The following TPD52 variants were observed in gnomAD, a reference collection of about 807,000 sequenced individuals.
The protein encoded by TPD52 is tumor protein D52.
TPD52 carries 17 observed loss-of-function variants against 31.3 expected under a neutral mutation model. The observed-to-expected ratio is 0.54, with a 90% CI of 0.37 to 0.82. The LOEUF is 0.82. Among genes scored for constraint, TPD52 ranks in the 40% least tolerant of loss-of-function variants. The pLI is 0.00. For synonymous variants in TPD52, 83 were observed against 89.6 expected, an observed-to-expected ratio of 0.93 and a Z score of 0.42; for missense variants, 212 against 240.1, an observed-to-expected ratio of 0.88 and a Z score of 0.77.
intron 2 of TPD52, among the ~76,000 whole-genome samples, chr8:80,057,502 A>G (rs1332260190): frequency 6.6e-6 from 1 of 152,212 alleles, no homozygotes; most frequent in Non-Finnish European, 1.5e-5. Context: ...AAAGTACAAA[A>G]TCATGTCCTT....
At chr8:80,132,665 G>A (rs1161741768) in intron 1 of TPD52, among the ~76,000 whole-genome samples, 3 of 152,210 alleles carry the variant, frequency 2.0e-5, no homozygotes, top group Non-Finnish European at 4.4e-5. Flanking sequence ...CCAGAGAATA[G>A]TACTTCTTGG....
intron 1 of TPD52, among the ~76,000 whole-genome samples, chr8:80,126,787 GT>G (rs1808643689): frequency 6.6e-6 from 1 of 152,052 alleles, no homozygotes; most frequent in African/African-American, 2.4e-5. Context: ...CCAGCCAAAA[GT>G]TTATAATTTT....
intron 1 of TPD52, among the ~76,000 whole-genome samples, chr8:80,168,822 A>G (rs1811880014): frequency 6.6e-6 from 1 of 152,250 alleles, no homozygotes; most frequent in African/African-American, 2.4e-5. Flanking sequence ...GGAGGGACAC[A>G]GAGGTTACTA....
chr8:80,094,452 A>G (rs1383423915), intron 1 of TPD52, among the ~76,000 whole-genome samples: 1 of 69,516 alleles, frequency 1.4e-5, no homozygotes, highest in African/African-American at 7.4e-5. Context: ...ATATATATAT[A>G]TATATATATA....
Position 80,156,271 on chromosome 8 carries a change from T to C in TPD52, c.19+15154A>G, listed in dbSNP as rs141196814. The stretch of plus-strand genomic sequence containing the variant: ...GCCTCCAGCATGCAGACTCAGGGTG[T>C]CCAGGCTTCTTACATGTTCGCTCAG... On this transcript the variant is annotated intron_variant, in intron 1 of 7. Transcript: ENST00000518937. Among the ~76,000 whole-genome samples the C allele has an allele frequency of 7.0e-3, 1,065 of 152,308 alleles. 6 individuals are homozygous for C. The highest frequency in any genetic ancestry group is 0.017 in the Middle Eastern group (5 of 294).
At chr8:80,144,825 T>C (rs573655795) in intron 1 of TPD52, among the ~76,000 whole-genome samples, 1 of 152,196 alleles carries the variant, frequency 6.6e-6, no homozygotes, top group African/African-American at 2.4e-5. Flanking sequence ...AACTCAAGGA[T>C]TGTCTAAATT....
At chr8:80,098,772 G>C (rs1039433231) in intron 1 of TPD52, among the ~76,000 whole-genome samples, 3 of 152,364 alleles carry the variant, frequency 2.0e-5, no homozygotes, top group Non-Finnish European at 2.9e-5. Context: ...TTTGAAAGAA[G>C]TTCTACTGTG....
At chr8:80,078,237 A>G (rs1030121587) in intron 1 of TPD52, among the ~76,000 whole-genome samples, 10 of 152,178 alleles carry the variant, frequency 6.6e-5, no homozygotes, top group African/African-American at 2.2e-4. Flanking sequence ...TTGCCCCATG[A>G]TGGCATTTTG....
At position 80,091,464 on chromosome 8, in the gene TPD52, C is replaced by CA. The variant is rs58616020; in HGVS notation, c.20-26872dup. Among the ~76,000 whole-genome samples the CA allele has an allele frequency of 9.2e-3, 1,118 of 121,832 alleles. 7 individuals are homozygous for CA. The highest frequency in any genetic ancestry group is 0.016 in the African/African-American group (550 of 33,584). The allele number at this position is 121,832 out of a possible 152,430, so 79.9% of individuals were successfully genotyped here. On this transcript the variant is annotated intron_variant, in intron 1 of 7. Transcript: ENST00000518937. ...AGCCTGGGCGACAGAGACTCCATCT[C>CA]AAAAAAAAAAAAAAAAAATACACAA...
At chr8:80,104,381 C>G (rs200380129) in intron 1 of TPD52, among the ~76,000 whole-genome samples, 1 of 152,014 alleles carries the variant, frequency 6.6e-6, no homozygotes, top group East Asian at 1.9e-4. Flanking sequence ...TTAGTGGCTA[C>G]AAAGTGGAAG....
intron 1 of TPD52, among the ~76,000 whole-genome samples, chr8:80,074,181 G>A (rs7823472): frequency 0.085 from 12,957 of 152,138 alleles, 1,630 homozygotes; most frequent in African/African-American, 0.28. Flanking sequence ...CCGGAGTCGC[G>A]GTAAGAAACT....
chr8:80,076,121 A>T (rs1814503164), intron 1 of TPD52, among the ~76,000 whole-genome samples: 2 of 152,196 alleles, frequency 1.3e-5, no homozygotes, highest in Admixed American at 1.3e-4. Context: ...CTTCCTGTAC[A>T]TTAGAAAATT....
At chr8:80,170,186 G>A (rs1811986978) in intron 1 of TPD52, among the ~76,000 whole-genome samples, 2 of 151,966 alleles carry the variant, frequency 1.3e-5, no homozygotes, top group Admixed American at 6.6e-5. Flanking sequence ...AGGCTGAGGC[G>A]GGTGGATCAC....
chr8:80,048,911 A>C (rs1200831750), intron 5 of TPD52, among the ~76,000 whole-genome samples: 1 of 152,204 alleles, frequency 6.6e-6, no homozygotes, highest in Non-Finnish European at 1.5e-5. Flanking sequence ...CATAATCTTA[A>C]TTATATTTTT....
chr8:80,121,349 C>G (rs7823533), intron 1 of TPD52, among the ~76,000 whole-genome samples: 25,011 of 152,022 alleles, frequency 0.16, 3,319 homozygotes, highest in African/African-American at 0.36. Flanking sequence ...ATGAAAGTGA[C>G]AAGACCCTTC....
chr8:80,115,644 C>A (rs1807812996), intron 1 of TPD52, among the ~76,000 whole-genome samples: 1 of 152,148 alleles, frequency 6.6e-6, no homozygotes, highest in African/African-American at 2.4e-5. Flanking sequence ...ACTGCTGTAT[C>A]CCCAAAACAT....
intron 1 of TPD52, among the ~76,000 whole-genome samples, chr8:80,147,664 C>G (rs1810289890): frequency 6.6e-6 from 1 of 152,158 alleles, no homozygotes; most frequent in South Asian, 2.1e-4. Context: ...CTTACATTTG[C>G]AGGGGTTGTT....
At chr8:80,093,943 T>A in intron 1 of TPD52, among the ~76,000 whole-genome samples, 1 of 99,028 alleles carries the variant, frequency 1.0e-5, no homozygotes, top group South Asian at 3.1e-4. Context: ...GTGGAAAGCT[T>A]CAAAACTTTC....
At chr8:80,171,351 C>A (rs1474989549) in intron 1 of TPD52, 74 bp downstream of exon 1, 1 of 1,579,246 alleles carries the variant, frequency 6.3e-7, no homozygotes, top group South Asian at 1.1e-5. Context: ...GCGCTCAGCC[C>A]CGCGCCGAGC....
Sources: gnomAD v4.1 joint callset for allele counts (sites outside exome capture counted in the v4.1 genomes callset) on GRCh38, gnomAD v4.1.1 for gene constraint, MANE v1.5 for transcripts, NCBI Gene and HGNC (gene_info 2026-07-23, HGNC 2026-07-21) for gene names.